Variants in ARHGAP15 observed in about 807,000 individuals in gnomAD.
ARHGAP15 encodes Rho GTPase activating protein 15.
A neutral mutation model predicts 63.7 loss-of-function variants in ARHGAP15; 51 were observed. The ratio of observed to expected loss-of-function variants is 0.80; its 90% CI spans 0.64 to 1.01. The LOEUF (loss-of-function observed/expected upper bound fraction) is 1.01. Among genes scored for constraint, ARHGAP15 ranks in the 50% least tolerant of loss-of-function variants. ARHGAP15 has a pLI of 0.00. For synonymous variants in ARHGAP15, 191 were observed against 193.8 expected (o/e 0.99, Z 0.12); for missense variants, 560 against 564.6 (o/e 0.99, Z 0.08).
chr2:143,499,935 CTT>C (rs1006277795), intron 9 of ARHGAP15, among the ~76,000 whole-genome samples: 1 of 152,008 alleles, frequency 6.6e-6, no homozygotes, highest in Non-Finnish European at 1.5e-5. Flanking sequence ...AATAAAAAAA[CTT>C]TTCTCCCCCT....
At chr2:143,517,021 C>G (rs1693853770) in intron 9 of ARHGAP15, among the ~76,000 whole-genome samples, 1 of 152,140 alleles carries the variant, frequency 6.6e-6, no homozygotes, top group African/African-American at 2.4e-5. Flanking sequence ...GCGATCTCAG[C>G]TCACTGCAAC....
chr2:143,529,967 C>A (rs544677977), intron 10 of ARHGAP15, among the ~76,000 whole-genome samples: 3 of 152,120 alleles, frequency 2.0e-5, no homozygotes, highest in African/African-American at 7.2e-5. Flanking sequence ...CCCGTCCCCA[C>A]AGTGCTTAGC....
chr2:143,560,776 A>G (rs1432018938), intron 11 of ARHGAP15, among the ~76,000 whole-genome samples: 1 of 152,200 alleles, frequency 6.6e-6, no homozygotes, highest in African/African-American at 2.4e-5. Flanking sequence ...TTATGTATCT[A>G]TGTTTGGCCC....
At chr2:143,697,690 A>G (rs537668550) in intron 12 of ARHGAP15, among the ~76,000 whole-genome samples, 2 of 152,332 alleles carry the variant, frequency 1.3e-5, no homozygotes, top group South Asian at 4.1e-4. Flanking sequence ...TTACTCAAAG[A>G]TATTTATCAA....
chr2:143,350,718 A>G (rs1685524518), intron 6 of ARHGAP15, among the ~76,000 whole-genome samples: 1 of 149,832 alleles, frequency 6.7e-6, no homozygotes, highest in Non-Finnish European at 1.5e-5. Flanking sequence ...GGGCATCTGT[A>G]GTCCCAACTA....
At chr2:143,271,061 ATCTG>A (rs1184950808) in intron 6 of ARHGAP15, among the ~76,000 whole-genome samples, 1 of 151,916 alleles carries the variant, frequency 6.6e-6, no homozygotes, top group South Asian at 2.1e-4. Flanking sequence ...CAAAATTTCC[ATCTG>A]TCTTTCTTCT....
In ARHGAP15 at chr2:143,518,590, C is replaced by T. The variant is rs186356071; in HGVS notation, c.827-676C>T. Among the ~76,000 whole-genome samples, 161 of 152,258 alleles carry T rather than the reference C, an allele frequency of 1.1e-3. No homozygotes were observed. In the East Asian group the frequency reaches 0.029, roughly 28 times the overall value. On this transcript the variant is annotated intron_variant, in intron 9 of 13. Coordinates refer to ENST00000295095, the MANE Select transcript of ARHGAP15 (RefSeq NM_018460.4). ...CCTAATGATGTGAAACCATTTTGTT[C>T]GCAGGCCCTTTTTCCTGAATCATCT...
chr2:143,453,296 G>T (rs1690491753), intron 8 of ARHGAP15, among the ~76,000 whole-genome samples: 1 of 151,944 alleles, frequency 6.6e-6, no homozygotes, highest in Admixed American at 6.6e-5. Flanking sequence ...GAGTGAGGTT[G>T]ATGGTTTCTG....
At chr2:143,731,786 A>G (rs1685548306) in intron 13 of ARHGAP15, among the ~76,000 whole-genome samples, 1 of 152,218 alleles carries the variant, frequency 6.6e-6, no homozygotes, top group Admixed American at 6.5e-5. Context: ...CTTATTGAAT[A>G]CTAACCATAT....
chr2:143,661,386 A>G (rs1361362749), intron 12 of ARHGAP15, among the ~76,000 whole-genome samples: 1 of 152,204 alleles, frequency 6.6e-6, no homozygotes, highest in Non-Finnish European at 1.5e-5. Context: ...GAAATGTGAC[A>G]TTGTTTTTAT....
At chr2:143,162,716 A>G (rs1432804109) in intron 2 of ARHGAP15, among the ~76,000 whole-genome samples, 2 of 152,030 alleles carry the variant, frequency 1.3e-5, no homozygotes, top group Non-Finnish European at 2.9e-5. Flanking sequence ...TTCTTATAAT[A>G]CTCTTCACTC....
intron 11 of ARHGAP15, among the ~76,000 whole-genome samples, chr2:143,616,501 A>C (rs147638076): frequency 3.3e-5 from 5 of 152,340 alleles, no homozygotes; most frequent in African/African-American, 9.6e-5. Context: ...GATATGCACA[A>C]AACCTCAAAG....
intron 13 of ARHGAP15, 25 bp from the exon 14 acceptor site, chr2:143,767,961 AATT>A (rs769356075): frequency 1.3e-6 from 2 of 1,599,064 alleles, no homozygotes; most frequent in South Asian, 2.2e-5. Flanking sequence ...ACTCCAGTGA[AATT>A]ATTTTTTTTT....
chr2:143,714,678 A>T (rs1684730134), intron 13 of ARHGAP15, among the ~76,000 whole-genome samples: 1 of 152,200 alleles, frequency 6.6e-6, no homozygotes, highest in South Asian at 2.1e-4. Flanking sequence ...CTTCCACCAG[A>T]TACCCTAAAT....
chr2:143,478,780 ATAACT>A (rs1349476952), intron 8 of ARHGAP15, among the ~76,000 whole-genome samples: 1 of 152,246 alleles, frequency 6.6e-6, no homozygotes, highest in African/African-American at 2.4e-5. Context: ...AGAATTATGT[ATAACT>A]TATAATCTAA....
chr2:143,214,011 G>A (rs1692652966), intron 3 of ARHGAP15, among the ~76,000 whole-genome samples: 3 of 152,138 alleles, frequency 2.0e-5, no homozygotes, highest in Admixed American at 1.3e-4. Context: ...CCTTAAACCT[G>A]TTTATGTTGA....
intron 13 of ARHGAP15, among the ~76,000 whole-genome samples, chr2:143,748,628 AG>A (rs1273911510): frequency 6.6e-6 from 1 of 152,240 alleles, no homozygotes; most frequent in Non-Finnish European, 1.5e-5. Flanking sequence ...ATCACTTGGT[AG>A]GCGGAGTATA....
chr2:143,315,381 A>G (rs1476966231), intron 6 of ARHGAP15, among the ~76,000 whole-genome samples: 9 of 152,216 alleles, frequency 5.9e-5, no homozygotes, highest in Admixed American at 5.9e-4. Context: ...GGCCAATTCT[A>G]TTAATTTGTC....
chr2:143,387,901 G>A (rs1248620823), intron 6 of ARHGAP15, among the ~76,000 whole-genome samples: 2 of 141,080 alleles, frequency 1.4e-5, no homozygotes, highest in East Asian at 2.0e-4. Flanking sequence ...ACACATACAC[G>A]CATGCCTGCA....
Sources: allele counts gnomAD v4.1 joint callset (sites outside exome capture counted in the v4.1 genomes callset), GRCh38; gene constraint gnomAD v4.1.1; transcripts MANE v1.5; gene names NCBI Gene and HGNC (gene_info 2026-07-23, HGNC 2026-07-21).